Variants in UNC13C observed in about 807,000 individuals in gnomAD.
UNC13C encodes the protein unc-13 homolog C.
UNC13C carries 174 observed loss-of-function variants against 245.4 expected under a neutral mutation model. The observed-to-expected ratio is 0.71, with a 90% CI of 0.63 to 0.80. The LOEUF is 0.80. Among genes scored for constraint, UNC13C ranks in the 30% least tolerant of loss-of-function variants. The pLI, the probability that UNC13C is intolerant of heterozygous loss-of-function variation, is 0.00. For missense variants in UNC13C, 2,829 were observed against 2,602.9 expected (o/e 1.09, Z -1.89); for synonymous variants, 992 against 895.1 (o/e 1.11, Z -1.93).
the UNC13C span, among the ~76,000 whole-genome samples, chr15:53,842,288 A>G: frequency 1.8e-4 from 27 of 152,296 alleles, no homozygotes; most frequent in African/African-American, 5.5e-4. Context: ...TAAATAATTT[A>G]TGTTGTTGAA....
intron 28 of UNC13C, among the ~76,000 whole-genome samples, chr15:54,552,638 T>TATTATATTATATATTGTAC (rs1198612183): frequency 1.3e-5 from 1 of 75,482 alleles, no homozygotes; most frequent in Non-Finnish European, 2.2e-5. Context: ...TTGTACAATA[T>TATTATATTATATATTGTAC]AATATAATTA....
At chr15:54,222,901 A>G (rs765566790) in intron 4 of UNC13C, among the ~76,000 whole-genome samples, 1 of 152,118 alleles carries the variant, frequency 6.6e-6, no homozygotes, top group Non-Finnish European at 1.5e-5. Flanking sequence ...TCATTGAGAA[A>G]TGTCTATTCA....
At chr15:54,277,810 G>T (rs1233764418) in intron 10 of UNC13C, among the ~76,000 whole-genome samples, 4 of 152,120 alleles carry the variant, frequency 2.6e-5, no homozygotes, top group Non-Finnish European at 4.4e-5. Context: ...GAAACCAAAT[G>T]ATTTGAACCC....
chr15:54,039,863 A>G (rs1450822024), intron 2 of UNC13C, among the ~76,000 whole-genome samples: 1 of 141,124 alleles, frequency 7.1e-6, no homozygotes, highest in African/African-American at 2.7e-5. Flanking sequence ...CTTTGCCTTC[A>G]TCATCTCTGC....
chr15:54,029,451 T>C (rs1391896061), intron 2 of UNC13C, among the ~76,000 whole-genome samples: 1 of 152,256 alleles, frequency 6.6e-6, no homozygotes, highest in Non-Finnish European at 1.5e-5. Flanking sequence ...CTGACTGTTG[T>C]GAGAGGCATT....
At chr15:54,220,662 G>T (rs1040362856) in intron 4 of UNC13C, among the ~76,000 whole-genome samples, 5 of 151,850 alleles carry the variant, frequency 3.3e-5, no homozygotes, top group Non-Finnish European at 7.4e-5. Context: ...AAAAATATTG[G>T]TAGCCAAGCA....
chr15:54,270,274 C>T (rs2140899544), intron 10 of UNC13C, among the ~76,000 whole-genome samples: 1 of 152,318 alleles, frequency 6.6e-6, no homozygotes, highest in South Asian at 2.1e-4. Context: ...ATACACATCA[C>T]AGATGAACTC....
chr15:53,993,433 T>A (rs563341085), intron 1 of UNC13C, among the ~76,000 whole-genome samples: 1 of 152,112 alleles, frequency 6.6e-6, no homozygotes, highest in Non-Finnish European at 1.5e-5. Context: ...GCAGCCAACA[T>A]AACATTTTTG....
At chr15:54,380,286 C>T (rs1435485729) in intron 17 of UNC13C, among the ~76,000 whole-genome samples, 1 of 152,110 alleles carries the variant, frequency 6.6e-6, no homozygotes, top group South Asian at 2.1e-4. Context: ...TCTCCAAGTT[C>T]ATCCATGAAG....
chr15:54,552,700 T>TATA (rs1896860599), intron 28 of UNC13C, among the ~76,000 whole-genome samples: 1 of 84,000 alleles, frequency 1.2e-5, no homozygotes, highest in Non-Finnish European at 2.0e-5. Context: ...TTATATATTA[T>TATA]ATATAATTAT....
chr15:54,518,637 C>G (rs1895082116), intron 24 of UNC13C, among the ~76,000 whole-genome samples: 2 of 152,130 alleles, frequency 1.3e-5, no homozygotes, highest in African/African-American at 4.8e-5. Context: ...TCTTGTTTGC[C>G]CTACTAAGCA....
In UNC13C at chr15:54,593,015, C is replaced by G. The variant is rs536028839; in HGVS notation, c.6106+25068C>G. ...GTAGTGATGGCTTGGTAATGGTGAACTCTCTCAGCATTTGTTTGTCTGAAA... is the reference window on the plus strand; with the variant it reads ...GTAGTGATGGCTTGGTAATGGTGAAGTCTCTCAGCATTTGTTTGTCTGAAA... On this transcript the variant is annotated intron_variant, in intron 30 of 32. Transcript: ENST00000260323. 3.9e-4 allele frequency among the ~76,000 whole-genome samples: 60 copies of G among 152,176 alleles called. 2 individuals are homozygous for G. In the South Asian group the frequency reaches 0.012, roughly 32 times the overall value.
chr15:54,439,039 A>G (rs1890376131), intron 19 of UNC13C, among the ~76,000 whole-genome samples: 1 of 151,922 alleles, frequency 6.6e-6, no homozygotes, highest in South Asian at 2.1e-4. Context: ...CTTACCTGTT[A>G]CTGCACTAGA....
chr15:54,366,163 A>G (rs1596289209), intron 17 of UNC13C, among the ~76,000 whole-genome samples: 1 of 152,194 alleles, frequency 6.6e-6, no homozygotes, highest in African/African-American at 2.4e-5. Flanking sequence ...TTTCAAAAGC[A>G]TCGTTTATTA....
intron 30 of UNC13C, among the ~76,000 whole-genome samples, chr15:54,603,800 T>C (rs573971205): frequency 1.3e-5 from 2 of 152,038 alleles, no homozygotes; most frequent in Non-Finnish European, 2.9e-5. Context: ...GAGGCAGATA[T>C]TGCAGTGAGC....
intron 19 of UNC13C, among the ~76,000 whole-genome samples, chr15:54,467,150 T>A (rs780312926): frequency 1.3e-5 from 2 of 151,862 alleles, no homozygotes; most frequent in Non-Finnish European, 3.0e-5. Flanking sequence ...AATACAGCTG[T>A]GAACAAGATA....
chr15:54,003,693 G>T (rs966574986), intron 1 of UNC13C, among the ~76,000 whole-genome samples: 4 of 152,124 alleles, frequency 2.6e-5, no homozygotes, highest in African/African-American at 9.7e-5. Flanking sequence ...TACTCATTTA[G>T]TATTTTAAAA....
the UNC13C span, among the ~76,000 whole-genome samples, chr15:53,895,735 T>C: frequency 3.3e-5 from 5 of 152,316 alleles, no homozygotes; most frequent in Middle Eastern, 3.4e-3. Flanking sequence ...TTGAATTCAT[T>C]ATATCATTAC....
At chr15:54,580,924 A>G (rs1251097229) in intron 30 of UNC13C, among the ~76,000 whole-genome samples, 1 of 151,894 alleles carries the variant, frequency 6.6e-6, no homozygotes, top group Non-Finnish European at 1.5e-5. Flanking sequence ...TTCTCCATAC[A>G]CTCCATGGTT....
Sources: allele counts gnomAD v4.1 joint callset (sites outside exome capture counted in the v4.1 genomes callset), GRCh38; gene constraint gnomAD v4.1.1; transcripts MANE v1.5; gene names NCBI Gene and HGNC (gene_info 2026-07-23, HGNC 2026-07-21).